BSN: variants seen among roughly 807,000 people sequenced by gnomAD.
The protein encoded by BSN is protein bassoon.
BSN carries 57 observed loss-of-function variants against 264.8 expected under a neutral mutation model. The observed-to-expected ratio is 0.22, with a 90% CI of 0.17 to 0.27. BSN has a LOEUF of 0.27. BSN is among the 10% of genes least tolerant of loss of function. The pLI is 1.00. For synonymous variants in BSN, 2,059 were observed against 2,137.3 expected (o/e 0.96, Z 1.01); for missense variants, 4,615 against 5,232.5 (o/e 0.88, Z 3.64).
rs1039487851 is a variant in BSN, at chr3:49,669,725, T to C, written c.*2240T>C. The C allele has an allele frequency of 1.3e-5, 2 of 152,308 alleles. No homozygotes were observed. Among genetic ancestry groups the C allele is most frequent in the Non-Finnish European group, 2.9e-5 (2 of 68,050 alleles). The allele number at this position is 152,308 out of a possible 1,614,324, so 9.4% of individuals were successfully genotyped here. A position where few individuals can be genotyped will look rare whatever the true frequency, so the allele number is the denominator to read the frequency against. On this transcript the variant is annotated 3_prime_UTR_variant, in exon 12 of 12. Transcript: ENST00000296452. Reference sequence around the variant, plus strand: ...GACAGTGGTCATCTGGAACTGTTCATATAAACAGTGGCTTCAAGCTAAGTT... The same window carrying C: ...GACAGTGGTCATCTGGAACTGTTCACATAAACAGTGGCTTCAAGCTAAGTT...
Position 49,620,055 on chromosome 3 carries a change from G to T in BSN, c.225-4920G>T, listed in dbSNP as rs372588978. 1.1e-4 allele frequency among the ~76,000 whole-genome samples: 17 copies of T among 152,220 alleles called. No homozygotes were observed. The East Asian group carries it at 2.3e-3, about 21-fold the overall frequency. On this transcript the variant is annotated intron_variant, in intron 1 of 11. Transcript: ENST00000296452. The stretch of plus-strand genomic sequence containing the variant: ...TTTGTTATATGATGGGTCAGAAGGT[G>T]CTCAGTGCCACAGAGAACAAAGAGG...
rs1410211311 is a variant in BSN at position 49,638,559 on chromosome 3, TG to T, written c.634-3705del. On this transcript the variant is annotated intron_variant, in intron 2 of 11. Coordinates refer to ENST00000296452, the MANE Select transcript of BSN (RefSeq NM_003458.4). The surrounding 1 kb of genome is among the most constrained non-coding windows in gnomAD (Gnocchi z 4.3). ...CTGGGCCTGAGCCTGGGAGGGGCTG[TG>T]GGGAGGGTGCGGTCAAGGTTCCTTA... Among the ~76,000 whole-genome samples, 1 of 152,074 alleles carries T rather than the reference TG, an allele frequency of 6.6e-6. No homozygotes were observed. Among genetic ancestry groups the T allele is most frequent in the Non-Finnish European group, 1.5e-5 (1 of 68,002 alleles).
chr3:49,635,285 A>G (rs923919954), intron 2 of BSN, among the ~76,000 whole-genome samples: 1 of 152,172 alleles, frequency 6.6e-6, no homozygotes, highest in Non-Finnish European at 1.5e-5. Context: ...GCTCCCCAGC[A>G]CTGAGAAGAA....
rs397792026 is a variant in BSN, at chr3:49,585,209, TA to T, written c.224+30385del. The stretch of plus-strand genomic sequence containing the variant: ...GCCCAATTTTTAGTTGTTTTTTTTT[TA>T]ATTTTAATTTTTATTTTATTGAATT... On this transcript the variant is annotated intron_variant, in intron 1 of 11. Coordinates refer to ENST00000296452, the MANE Select transcript of BSN (RefSeq NM_003458.4). The surrounding 1 kb of genome is among the most constrained non-coding windows in gnomAD (Gnocchi z 4.7). 2.6e-5 allele frequency among the ~76,000 whole-genome samples: 4 copies of T among 151,430 alleles called. No individual in the cohort carries two copies. The highest frequency in any genetic ancestry group is 9.7e-5 in the African/African-American group (4 of 41,242).
intron 1 of BSN, among the ~76,000 whole-genome samples, chr3:49,596,677 G>T (rs1057146089): frequency 2.0e-5 from 3 of 151,962 alleles, no homozygotes; most frequent in Admixed American, 6.6e-5. Context: ...TCTAGAGAGG[G>T]TCTCACTATT....
intron 1 of BSN, among the ~76,000 whole-genome samples, chr3:49,571,194 TAG>T (rs1559594414): frequency 6.6e-6 from 1 of 152,032 alleles, no homozygotes; most frequent in South Asian, 2.1e-4. Context: ...CTCTGGCCAA[TAG>T]AGAGTTAAGA....
intron 1 of BSN, among the ~76,000 whole-genome samples, chr3:49,624,101 C>T (rs970768570): frequency 4.0e-5 from 6 of 150,258 alleles, no homozygotes; most frequent in African/African-American, 1.2e-4. Context: ...CCCGGGTTCA[C>T]GCCATTCTTC....
intron 1 of BSN, among the ~76,000 whole-genome samples, chr3:49,613,303 C>CGAGAGAGTGAGA (rs2052223776): frequency 8.5e-5 from 4 of 47,332 alleles, no homozygotes; most frequent in Non-Finnish European, 1.2e-4. Context: ...ACACACAGAG[C>CGAGAGAGTGAGA]GAGAGAGAGA....
In BSN at chr3:49,660,896, C is replaced by A. The variant is rs1278848968; in HGVS notation, c.9051C>A (p.Leu3017=). 1 of 1,613,050 alleles carries A rather than the reference C, an allele frequency of 6.2e-7. No homozygotes were observed. Among genetic ancestry groups the A allele is most frequent in the South Asian group, 1.1e-5 (1 of 91,086 alleles). Residue 3017 remains leucine (L), a synonymous_variant, in exon 6 of 12, where the codon CTC becomes CTA. Coordinates refer to ENST00000296452, the MANE Select transcript of BSN (RefSeq NM_003458.4). This position sits in a 1 kb window ranked among gnomAD's most constrained non-coding sequence, Gnocchi z 7.1. The part of the protein sequence containing the change: ...EHRDYLSDSE[L]NQLRLQGCTT... ...GTGACTACCTATCGGACAGTGAGCT[C>A]AACCAGCTGCGGCTCCAGGGCTGCA... is the stretch of plus-strand genomic sequence containing the variant.
At position 49,656,508 on chromosome 3, in the gene BSN, G is replaced by C; in HGVS notation, c.6952G>C (p.Ala2318Pro). 6.3e-7 allele frequency: 1 copy of C among 1,585,360 alleles called. No homozygotes were observed. The highest frequency in any genetic ancestry group is 8.6e-7 in the Non-Finnish European group (1 of 1,164,600). ...EEPLPTTTPA[A>P]IKEAAGAPAP... is the part of the protein sequence containing the mutation. ...GCCTCTTCCCACAACCACCCCTGCT[G>C]CCATCAAGGAGGCTGCAGGAGCCCC... The change falls in exon 5 of 12, where the codon GCC becomes CCC. Residue 2318 changes from alanine (A) to proline (P), a missense_variant. This residue lies in a region of BSN where 3,415 missense variants were observed against 3,866.4 expected (regional missense o/e 0.88). Coordinates refer to ENST00000296452, the MANE Select transcript of BSN (RefSeq NM_003458.4).
At chr3:49,570,607 C>T (rs533319316) in intron 1 of BSN, among the ~76,000 whole-genome samples, 45 of 152,206 alleles carry the variant, frequency 3.0e-4, no homozygotes, top group Non-Finnish European at 5.0e-4. Flanking sequence ...CAGGGGCAGA[C>T]GCCAGAGCTA....
Position 49,657,816 on chromosome 3 carries a change from C to A in BSN, c.8260C>A (p.Pro2754Thr). 1 of 1,599,938 alleles carries A rather than the reference C, an allele frequency of 6.3e-7. No individual in the cohort carries two copies. Among genetic ancestry groups the A allele is most frequent in the African/African-American group, 1.3e-5 (1 of 74,532 alleles). ...TGGCATCCAGATCGTCACCCCAGGG[C>A]CTCTGGGCAGATTTGAAAAAAAGAA... ...LPGIQIVTPG[P>T]LGRFEKKKPD... The change falls in exon 5 of 12, where the codon CCT becomes ACT. Residue 2754 changes from proline (P) to threonine (T), a missense_variant. Physicochemically the swap from Pro to Thr is conservative, Grantham distance 38 (BLOSUM62 -1). This residue lies in a region of BSN where 3,415 missense variants were observed against 3,866.4 expected (regional missense o/e 0.88). Transcript: ENST00000296452.
Position 49,660,734 on chromosome 3 carries a change from A to G in BSN, c.8889A>G (p.Ala2963=). 1 of 1,613,280 alleles carries G rather than the reference A, an allele frequency of 6.2e-7. No individual in the cohort carries two copies. Among genetic ancestry groups the G allele is most frequent in the Non-Finnish European group, 8.5e-7 (1 of 1,179,948 alleles). The part of the protein sequence containing the change: ...HESTKLRKKQ[A]ELDEEEKEID... ...CCACCAAACTGCGCAAGAAGCAGGC[A>G]GAGCTGGATGAGGAGGAGAAGGAGA... The change falls in exon 6 of 12, where the codon GCA becomes GCG. Residue 2963 remains alanine (A), a synonymous_variant. Coordinates refer to ENST00000296452, the MANE Select transcript of BSN (RefSeq NM_003458.4). The surrounding 1 kb of genome is among the most constrained non-coding windows in gnomAD (Gnocchi z 7.1).
At position 49,600,395 on chromosome 3, in the gene BSN, G is replaced by A. The variant is rs567644168; in HGVS notation, c.225-24580G>A. 1.2e-4 allele frequency among the ~76,000 whole-genome samples: 18 copies of A among 152,282 alleles called. No individual in the cohort carries two copies. The South Asian group carries it at 3.3e-3, about 28-fold the overall frequency. On this transcript the variant is annotated intron_variant, in intron 1 of 11. Coordinates refer to ENST00000296452, the MANE Select transcript of BSN (RefSeq NM_003458.4). ...AGGAAGGCTGGACTAAGGGATTTCCGTACATGAGGTTGAGTAGGGTGGTGA... is the reference window on the plus strand; with the variant it reads ...AGGAAGGCTGGACTAAGGGATTTCCATACATGAGGTTGAGTAGGGTGGTGA...
intron 1 of BSN, among the ~76,000 whole-genome samples, chr3:49,587,444 T>G (rs1315514931): frequency 6.6e-6 from 1 of 152,174 alleles, no homozygotes; most frequent in Non-Finnish European, 1.5e-5. Flanking sequence ...TTGTTACTGG[T>G]GGAGGGTCTT....
chr3:49,655,685 G>C lies in BSN; in HGVS notation c.6129G>C (p.Thr2043=), dbSNP rs200228835. 3 of 1,613,434 alleles carry C rather than the reference G, an allele frequency of 1.9e-6. No individual in the cohort carries two copies. The Admixed American group carries it at 5.0e-5, about 27-fold the overall frequency. The change falls in exon 5 of 12, where the codon ACG becomes ACC. Residue 2043 remains threonine, a synonymous_variant. Coordinates refer to ENST00000296452, the MANE Select transcript of BSN (RefSeq NM_003458.4). ...AGGGCTTGCAGTATGGCTCAGTCAC[G>C]GACCTGCGTCATCCTACAGACCTTT... The part of the protein sequence containing the change: ...LGQGLQYGSV[T]DLRHPTDLLA...
chr3:49,575,047 A>T (rs1208813211), intron 1 of BSN, among the ~76,000 whole-genome samples: 2 of 152,258 alleles, frequency 1.3e-5, no homozygotes, highest in East Asian at 3.9e-4. Context: ...TTAAAATTTT[A>T]AAAAATTATA....
intron 1 of BSN, among the ~76,000 whole-genome samples, chr3:49,574,075 A>G (rs1457042135): frequency 6.6e-6 from 1 of 151,314 alleles, no homozygotes; most frequent in Non-Finnish European, 1.5e-5. Flanking sequence ...TCATCCTCCC[A>G]AGTAGCTGGG....
chr3:49,574,962 T>A (rs1416107121), intron 1 of BSN, among the ~76,000 whole-genome samples: 2 of 152,132 alleles, frequency 1.3e-5, no homozygotes, highest in Non-Finnish European at 2.9e-5. Flanking sequence ...ATATTACTCT[T>A]CTGAGTTCTG....
Sources: allele counts gnomAD v4.1 joint callset (sites outside exome capture counted in the v4.1 genomes callset), GRCh38; gene constraint gnomAD v4.1.1; regional missense constraint gnomAD v4.1.1; non-coding constraint Gnocchi (gnomAD v3.1); transcripts MANE v1.5; gene names NCBI Gene and HGNC (gene_info 2026-07-23, HGNC 2026-07-21).